Variants in PCDH15 observed in about 807,000 individuals in gnomAD.
PCDH15 encodes the protein protocadherin-15.
In PCDH15, 129 loss-of-function variants were observed where a neutral mutation model predicts 178.5. That is an observed-to-expected ratio of 0.72 (90% CI 0.63 to 0.84). The LOEUF (loss-of-function observed/expected upper bound fraction) is 0.84, where lower values mean the gene tolerates loss of function less well. PCDH15 is among the 40% of genes least tolerant of loss of function. The pLI, the probability that PCDH15 is intolerant of heterozygous loss-of-function variation, is 0.00. For synonymous variants in PCDH15, 800 were observed against 732.0 expected (o/e 1.09, Z -1.50); for missense variants, 2,230 against 2,099.9 (o/e 1.06, Z -1.21).
At chr10:54,568,852 G>A (rs4935523) in intron 2 of PCDH15, among the ~76,000 whole-genome samples, 142,431 of 152,108 alleles carry the variant, frequency 0.94, 66,958 homozygotes, top group Middle Eastern at 0.98. Flanking sequence ...ATTCTAAATT[G>A]TAAACTCAAT....
chr10:54,538,859 C>A lies in PCDH15; in HGVS notation c.92-10982G>T, dbSNP rs576665426. Among the ~76,000 whole-genome samples, 206 of 152,252 alleles carry A rather than the reference C, an allele frequency of 1.4e-3. 1 individual carries two copies. The highest frequency in any genetic ancestry group is 4.7e-3 in the African/African-American group (194 of 41,546). On this transcript the variant is annotated intron_variant, in intron 2 of 37. Transcript: ENST00000644397. ...ATAAATTACCCAGTCTCAGGTAGTT[C>A]TTTATAATGATGCAACAATGAACTA...
upstream of PCDH15, among the ~76,000 whole-genome samples, chr10:55,320,195 C>A (rs1213796205): frequency 6.6e-6 from 1 of 152,170 alleles, no homozygotes; most frequent in Middle Eastern, 3.2e-3. Context: ...TCTACAGGTG[C>A]TGTGTGTGCT....
intron 3 of PCDH15, among the ~76,000 whole-genome samples, chr10:54,497,776 G>A (rs910418339): frequency 1.4e-4 from 22 of 151,964 alleles, no homozygotes; most frequent in African/African-American, 4.8e-4. Context: ...TTAAGAAAAT[G>A]AACAAAACTT....
chr10:54,873,380 G>A (rs557048250), intron 3 of PCDH15, among the ~76,000 whole-genome samples: 4 of 151,536 alleles, frequency 2.6e-5, no homozygotes, highest in African/African-American at 7.3e-5. Context: ...GGGTTAAGTA[G>A]CTTCTACAAA....
chr10:55,027,984 C>T (rs1225828876), intron 2 of PCDH15, among the ~76,000 whole-genome samples: 2 of 150,948 alleles, frequency 1.3e-5, no homozygotes, highest in Admixed American at 1.3e-4. Context: ...ATTAATCTTA[C>T]ATGCAACCAC....
At chr10:55,460,472 T>C (rs1839651530) in intron 2 of PCDH15, among the ~76,000 whole-genome samples, 1 of 152,044 alleles carries the variant, frequency 6.6e-6, no homozygotes, top group South Asian at 2.1e-4. Context: ...AATTAATTAA[T>C]CTTTTCTTTG....
At chr10:53,970,866 T>A (rs2089610059) in intron 21 of PCDH15, among the ~76,000 whole-genome samples, 1 of 152,082 alleles carries the variant, frequency 6.6e-6, no homozygotes, top group Non-Finnish European at 1.5e-5. Flanking sequence ...AGGTACAAAG[T>A]GGATCTGGTA....
intron 8 of PCDH15, among the ~76,000 whole-genome samples, chr10:54,253,915 C>T (rs984359876): frequency 5.9e-5 from 9 of 151,850 alleles, no homozygotes; most frequent in African/African-American, 1.9e-4. Flanking sequence ...ATGTCATTTT[C>T]CAATAGTATT....
At chr10:53,949,943 A>G (rs562802064) in intron 23 of PCDH15, among the ~76,000 whole-genome samples, 11 of 152,298 alleles carry the variant, frequency 7.2e-5, no homozygotes, top group African/African-American at 2.6e-4. Flanking sequence ...CCTTTGTTAA[A>G]TATACTCTAA....
intron 3 of PCDH15, among the ~76,000 whole-genome samples, chr10:54,380,036 A>G (rs1948991734): frequency 6.6e-6 from 1 of 152,138 alleles, no homozygotes. Context: ...TTGCATAATT[A>G]CAAGAAAAGT....
chr10:55,073,145 C>G (rs538904520), intron 2 of PCDH15, among the ~76,000 whole-genome samples: 2 of 151,924 alleles, frequency 1.3e-5, no homozygotes, highest in Non-Finnish European at 2.9e-5. Context: ...CAATATCATA[C>G]TGAATGGGCA....
Position 54,277,119 on chromosome 10 carries a change from C to T in PCDH15, c.876+40152G>A, listed in dbSNP as rs142941215. 4.7e-4 allele frequency among the ~76,000 whole-genome samples: 71 copies of T among 151,314 alleles called. No individual in the cohort carries two copies. In the East Asian group the frequency reaches 0.012, roughly 27 times the overall value. ...CTTCCTGAGTCCCTCAGTGAGCAGACGTAGAGAAAAATACCCTAACTGATC... is the reference window on the plus strand; with the variant it reads ...CTTCCTGAGTCCCTCAGTGAGCAGATGTAGAGAAAAATACCCTAACTGATC... On this transcript the variant is annotated intron_variant, in intron 8 of 37. Transcript: ENST00000644397.
chr10:55,355,127 T>C (rs1252404684), intron 2 of PCDH15, among the ~76,000 whole-genome samples: 2 of 152,022 alleles, frequency 1.3e-5, no homozygotes, highest in Admixed American at 6.6e-5. Flanking sequence ...TGCATGGAGG[T>C]ATCACACTTT....
At chr10:55,404,005 G>A (rs538601900) in intron 2 of PCDH15, among the ~76,000 whole-genome samples, 1 of 152,122 alleles carries the variant, frequency 6.6e-6, no homozygotes, top group South Asian at 2.1e-4. Flanking sequence ...ACTATGGAAA[G>A]TTAAAGTTGC....
At chr10:54,436,031 G>GGAGAGGA (rs1554969675) in intron 3 of PCDH15, among the ~76,000 whole-genome samples, 1,225 of 34,508 alleles carry the variant, frequency 0.035, 12 homozygotes, top group Middle Eastern at 0.077. Flanking sequence ...GGAGAGGAGA[G>GGAGAGGA]GAGAGAGAGA....
At chr10:54,052,730 G>T (rs2093804512) in intron 18 of PCDH15, among the ~76,000 whole-genome samples, 1 of 152,050 alleles carries the variant, frequency 6.6e-6, no homozygotes, top group African/African-American at 2.4e-5. Context: ...ATGAGGTTTG[G>T]GAGGGGTCAG....
chr10:53,872,614 C>A (rs12762435), intron 26 of PCDH15, among the ~76,000 whole-genome samples: 1 of 152,092 alleles, frequency 6.6e-6, no homozygotes, highest in East Asian at 1.9e-4. Flanking sequence ...CTGAAGAGGG[C>A]GCAGAGAAAT....
At chr10:55,437,920 C>T (rs1454232620) in intron 2 of PCDH15, among the ~76,000 whole-genome samples, 5 of 149,454 alleles carry the variant, frequency 3.3e-5, no homozygotes, top group Non-Finnish European at 5.9e-5. Context: ...TCACCGCAAC[C>T]TCTGCCTCCC....
At chr10:54,622,580 TATA>T (rs1206419884) in intron 2 of PCDH15, among the ~76,000 whole-genome samples, 2 of 44,036 alleles carry the variant, frequency 4.5e-5, no homozygotes, top group Admixed American at 3.3e-4. Flanking sequence ...TATATATATA[TATA>T]ATATATATAA....
Sources: gnomAD v4.1 joint callset for allele counts (sites outside exome capture counted in the v4.1 genomes callset) on GRCh38, gnomAD v4.1.1 for gene constraint, MANE v1.5 for transcripts, NCBI Gene and HGNC (gene_info 2026-07-23, HGNC 2026-07-21) for gene names.